RBM47: variants seen among roughly 807,000 people sequenced by gnomAD.
RBM47 encodes the protein RNA-binding protein 47.
In RBM47, 21 loss-of-function variants were observed where a neutral mutation model predicts 47.1. The observed-to-expected ratio is 0.45, with a 90% CI of 0.32 to 0.64. The LOEUF is 0.64. Ranked by LOEUF, RBM47 falls within the 30% of genes least tolerant of loss-of-function variation. The pLI, the probability that RBM47 is intolerant of heterozygous loss-of-function variation, is 0.05. For missense variants in RBM47, 708 were observed against 870.9 expected (o/e 0.81, Z 2.35); for synonymous variants, 375 against 361.7 (o/e 1.04, Z -0.42).
Position 40,436,495 on chromosome 4 carries a change from C to A in RBM47, c.1276G>T (p.Val426Leu). ...ACGGTAGGGATTTCCAAATTCGGCA[C>A]CAGTTCATATCCTTTTTCTTGCTGC... ...GKQQEKGYELVPNLEIPTVNP... is the reference protein window; with the variant it reads ...GKQQEKGYELLPNLEIPTVNP... Residue 426 changes from valine to leucine, a missense_variant, in exon 5 of 7, where the codon GTG becomes TTG. Coordinates refer to ENST00000295971, the MANE Select transcript of RBM47 (RefSeq NM_001098634.2). 1 of 1,614,148 alleles carries A rather than the reference C, an allele frequency of 6.2e-7. No individual in the cohort carries two copies. Among genetic ancestry groups the A allele is most frequent in the South Asian group, 1.1e-5 (1 of 91,084 alleles).
chr4:40,541,595 C>T (rs1388709375), intron 2 of RBM47, among the ~76,000 whole-genome samples: 3 of 151,922 alleles, frequency 2.0e-5, no homozygotes, highest in Non-Finnish European at 2.9e-5. Flanking sequence ...ACAAATTAGC[C>T]GGTGTGGTGG....
chr4:40,508,686 T>C (rs1184701084), intron 2 of RBM47, among the ~76,000 whole-genome samples: 2 of 152,120 alleles, frequency 1.3e-5, no homozygotes, highest in African/African-American at 4.8e-5. Context: ...GGTGGTTACC[T>C]TGGGTTGAGG....
In RBM47 at chr4:40,432,964, ACTTTT is replaced by A. The variant is rs961971432; in HGVS notation, c.1331-107_1331-103del. The A allele has an allele frequency of 4.8e-6, 7 of 1,461,642 alleles. No individual in the cohort carries two copies. In the East Asian group the frequency reaches 7.9e-5, roughly 17 times the overall value. 90.5% of individuals were successfully genotyped at this position (1,461,642 alleles called of 1,614,324 possible). On this transcript the variant is annotated intron_variant, in intron 5 of 6. Transcript: ENST00000295971. ...ATTTTTTATTTTTATTTTTTTAAAA[ACTTTT>A]CTTTTTTTTGAGACAGGGTCTCACT...
intron 2 of RBM47, among the ~76,000 whole-genome samples, chr4:40,511,953 A>T (rs1211573958): frequency 6.6e-6 from 1 of 151,804 alleles, no homozygotes; most frequent in Non-Finnish European, 1.5e-5. Flanking sequence ...AAAAAAGAAA[A>T]GAAAAAAGAA....
At position 40,438,471 on chromosome 4, in the gene RBM47, C is replaced by A. The variant is rs779736077; in HGVS notation, c.423G>T (p.Leu141=). ...LNNYEIRPGR[L]LGVCCSVDNC... The stretch of plus-strand genomic sequence containing the variant: ...TGTCCACGCTGCAGCACACGCCGAG[C>A]AGGCGGCCCGGGCGGATCTCGTAGT... Residue 141 remains leucine, a synonymous_variant, in exon 4 of 7, where the codon CTG becomes CTT. Coordinates refer to ENST00000295971, the MANE Select transcript of RBM47 (RefSeq NM_001098634.2). 19 of 1,613,446 alleles carry A rather than the reference C, an allele frequency of 1.2e-5. No homozygotes were observed. Among genetic ancestry groups the A allele is most frequent in the Non-Finnish European group, 1.6e-5 (19 of 1,179,964 alleles).
intron 1 of RBM47, among the ~76,000 whole-genome samples, chr4:40,573,231 G>T (rs542215762): frequency 4.6e-5 from 7 of 151,294 alleles, no homozygotes; most frequent in Admixed American, 2.0e-4. Context: ...TCTAACCAGA[G>T]AATTTGGTAA....
intron 6 of RBM47, among the ~76,000 whole-genome samples, chr4:40,432,418 T>A (rs528500617): frequency 2.6e-5 from 4 of 152,298 alleles, no homozygotes; most frequent in East Asian, 3.9e-4. Flanking sequence ...AAATTACACA[T>A]AATTTTTGCA....
At chr4:40,575,988 G>GCATT (rs1432805949) in intron 1 of RBM47, among the ~76,000 whole-genome samples, 2 of 152,194 alleles carry the variant, frequency 1.3e-5, no homozygotes, top group African/African-American at 4.8e-5. Flanking sequence ...GGCCAGGAGG[G>GCATT]CATTGTTAAT....
intron 4 of RBM47, chr4:40,436,938 C>A (rs878924104): frequency 3.2e-5 from 16 of 494,520 alleles, no homozygotes; most frequent in Admixed American, 1.2e-4. Context: ...CCCCCTCCCC[C>A]CCGCCAAAAA....
At chr4:40,490,084 C>G (rs143211781) in intron 2 of RBM47, among the ~76,000 whole-genome samples, 3 of 152,060 alleles carry the variant, frequency 2.0e-5, no homozygotes, top group Non-Finnish European at 4.4e-5. Context: ...ATGCACCAAC[C>G]CTTCATAACT....
intron 1 of RBM47, among the ~76,000 whole-genome samples, chr4:40,584,678 CAT>C (rs1733361582): frequency 1.3e-5 from 2 of 152,166 alleles, no homozygotes; most frequent in South Asian, 4.1e-4. Context: ...CACACACCTA[CAT>C]GTTGCCTCAA....
rs114361106 is a variant in RBM47 at position 40,595,021 on chromosome 4, G to T, written c.-240+34375C>A. On this transcript the variant is annotated intron_variant, in intron 1 of 6. Coordinates refer to ENST00000295971, the MANE Select transcript of RBM47 (RefSeq NM_001098634.2). ...TCTTCTTTGCTAAGAGAGCTCCAAG[G>T]TCTCGTAGCTAACAGATGGACTGCT... Among the ~76,000 whole-genome samples, 944 of 152,252 alleles carry T rather than the reference G, an allele frequency of 6.2e-3. 8 individuals carry two copies. Among genetic ancestry groups the T allele is most frequent in the Middle Eastern group, 0.024 (7 of 294 alleles).
At chr4:40,594,145 A>G (rs1399279161) in intron 1 of RBM47, among the ~76,000 whole-genome samples, 9 of 152,230 alleles carry the variant, frequency 5.9e-5, no homozygotes, top group African/African-American at 2.2e-4. Context: ...TCAAATATGA[A>G]AATCTCCACG....
chr4:40,564,665 AC>A (rs1249421586), intron 1 of RBM47, among the ~76,000 whole-genome samples: 1 of 152,154 alleles, frequency 6.6e-6, no homozygotes, highest in African/African-American at 2.4e-5. Context: ...AGTAAAACAT[AC>A]TCATTTAGTC....
chr4:40,475,502 G>A (rs1719471764), intron 2 of RBM47, among the ~76,000 whole-genome samples: 2 of 152,052 alleles, frequency 1.3e-5, no homozygotes, highest in African/African-American at 4.8e-5. Flanking sequence ...TAAGAATTTT[G>A]GTTTTACTGC....
At chr4:40,499,308 A>C (rs1723043113) in intron 2 of RBM47, among the ~76,000 whole-genome samples, 1 of 152,226 alleles carries the variant, frequency 6.6e-6, no homozygotes, top group South Asian at 2.1e-4. Flanking sequence ...GATTGATGTA[A>C]TAGCACCCCT....
chr4:40,430,229 C>CA (rs762752275), intron 6 of RBM47, among the ~76,000 whole-genome samples: 1 of 119,412 alleles, frequency 8.4e-6, no homozygotes, highest in East Asian at 3.2e-4. Context: ...AACAAACAAA[C>CA]AAAAAAAGAC....
intron 3 of RBM47, among the ~76,000 whole-genome samples, chr4:40,464,890 C>CAAAAAAAAA (rs71646997): frequency 6.2e-5 from 2 of 32,094 alleles, no homozygotes; most frequent in Non-Finnish European, 1.0e-4. Flanking sequence ...GACTCTGTCT[C>CAAAAAAAAA]AAAAAAAAAA....
At chr4:40,569,287 G>A (rs1440149862) in intron 1 of RBM47, among the ~76,000 whole-genome samples, 1 of 151,910 alleles carries the variant, frequency 6.6e-6, no homozygotes, top group African/African-American at 2.4e-5. Flanking sequence ...ACAAAATGGA[G>A]TTTTCTTCAA....
Sources: gnomAD v4.1 joint callset for allele counts (sites outside exome capture counted in the v4.1 genomes callset) on GRCh38, gnomAD v4.1.1 for gene constraint, MANE v1.5 for transcripts, NCBI Gene and HGNC (gene_info 2026-07-23, HGNC 2026-07-21) for gene names.